LRRC4C: variants seen among roughly 807,000 people sequenced by gnomAD.
LRRC4C encodes leucine-rich repeat-containing protein 4C.
LRRC4C carries 5 observed loss-of-function variants against 33.6 expected under a neutral mutation model. The ratio of observed to expected loss-of-function variants is 0.15; its 90% CI spans 0.08 to 0.31. The LOEUF is 0.31. Ranked by LOEUF, LRRC4C falls within the 10% of genes least tolerant of loss-of-function variation. LRRC4C has a pLI of 1.00. For synonymous variants in LRRC4C, 329 were observed against 302.0 expected (o/e 1.09, Z -0.93); for missense variants, 560 against 796.7 (o/e 0.70, Z 3.58).
At chr11:41,241,976 ACAT>A (rs1236321659) in intron 1 of LRRC4C, among the ~76,000 whole-genome samples, 3 of 152,174 alleles carry the variant, frequency 2.0e-5, no homozygotes, top group East Asian at 1.9e-4. Flanking sequence ...ATATGTCTCA[ACAT>A]CATCATTTTC....
intron 1 of LRRC4C, among the ~76,000 whole-genome samples, chr11:40,935,359 T>C (rs2136509221): frequency 6.6e-6 from 1 of 152,312 alleles, no homozygotes; most frequent in East Asian, 1.9e-4. Context: ...TTTTCATCCA[T>C]GTCTGTTCTG....
At chr11:41,348,462 T>C (rs752541620) in intron 1 of LRRC4C, among the ~76,000 whole-genome samples, 1 of 152,124 alleles carries the variant, frequency 6.6e-6, no homozygotes, top group Non-Finnish European at 1.5e-5. Context: ...CTTTTTCAAC[T>C]AATTCCATGT....
intron 1 of LRRC4C, among the ~76,000 whole-genome samples, chr11:41,302,686 A>G (rs2137088492): frequency 6.6e-6 from 1 of 152,320 alleles, no homozygotes; most frequent in African/African-American, 2.4e-5. Flanking sequence ...TCAAAATAAT[A>G]TTACTTTCTC....
chr11:41,253,746 A>G (rs1232081320), intron 1 of LRRC4C, among the ~76,000 whole-genome samples: 1 of 152,126 alleles, frequency 6.6e-6, no homozygotes, highest in Non-Finnish European at 1.5e-5. Flanking sequence ...ACCACCTTGC[A>G]AGATCCTTGT....
At chr11:40,911,840 G>T (rs909537933) in intron 2 of LRRC4C, among the ~76,000 whole-genome samples, 3 of 152,182 alleles carry the variant, frequency 2.0e-5, no homozygotes, top group Admixed American at 1.3e-4. Flanking sequence ...CCAATGCAGA[G>T]AAGTCCTTCA....
At chr11:40,720,127 C>T (rs575959294) in intron 2 of LRRC4C, among the ~76,000 whole-genome samples, 28 of 152,128 alleles carry the variant, frequency 1.8e-4, no homozygotes, top group Non-Finnish European at 3.8e-4. Context: ...TTTCCCATCT[C>T]CCCTTCTTTG....
chr11:40,194,864 G>A (rs556593121), intron 5 of LRRC4C, among the ~76,000 whole-genome samples: 155 of 152,172 alleles, frequency 1.0e-3, no homozygotes, highest in African/African-American at 3.5e-3. Context: ...CGAGGTGGGC[G>A]GATCACGAGG....
At chr11:41,039,682 C>T (rs561244456) in intron 1 of LRRC4C, among the ~76,000 whole-genome samples, 4 of 152,104 alleles carry the variant, frequency 2.6e-5, no homozygotes, top group African/African-American at 7.2e-5. Context: ...AATCTGAGAG[C>T]GCTGGACTGA....
intron 3 of LRRC4C, among the ~76,000 whole-genome samples, chr11:40,488,067 T>C (rs1953955369): frequency 6.6e-6 from 1 of 152,094 alleles, no homozygotes; most frequent in Admixed American, 6.6e-5. Flanking sequence ...GCCCTTCAAC[T>C]GAGATCTTTC....
chr11:40,896,452 T>C (rs1283187524), intron 2 of LRRC4C, among the ~76,000 whole-genome samples: 1 of 152,140 alleles, frequency 6.6e-6, no homozygotes, highest in African/African-American at 2.4e-5. Flanking sequence ...TACTTCAAAT[T>C]CAGTGGATAT....
intron 2 of LRRC4C, among the ~76,000 whole-genome samples, chr11:40,906,015 T>C (rs1041322219): frequency 2.0e-5 from 3 of 152,204 alleles, no homozygotes; most frequent in Admixed American, 2.0e-4. Flanking sequence ...CATTGTTGTC[T>C]TATTTCCAGA....
intron 2 of LRRC4C, among the ~76,000 whole-genome samples, chr11:40,878,393 T>C (rs1014575037): frequency 7.9e-5 from 12 of 152,154 alleles, no homozygotes; most frequent in African/African-American, 2.9e-4. Flanking sequence ...TGATCTGTAT[T>C]TGCAGCCACT....
intron 3 of LRRC4C, among the ~76,000 whole-genome samples, chr11:40,378,878 G>T (rs1398912651): frequency 6.6e-6 from 1 of 152,120 alleles, no homozygotes. Context: ...TACATATATG[G>T]AGTTAGAAGT....
intron 1 of LRRC4C, among the ~76,000 whole-genome samples, chr11:41,393,937 T>G (rs1565637426): frequency 6.6e-6 from 1 of 151,974 alleles, no homozygotes; most frequent in South Asian, 2.1e-4. Context: ...TTAGGCTACC[T>G]TTAGCCCAGT....
At chr11:41,302,883 G>A (rs1276010290) in intron 1 of LRRC4C, among the ~76,000 whole-genome samples, 3 of 152,198 alleles carry the variant, frequency 2.0e-5, no homozygotes, top group Admixed American at 6.5e-5. Context: ...CTTCAGTGCT[G>A]TGACCAACTC....
intron 4 of LRRC4C, among the ~76,000 whole-genome samples, chr11:40,266,413 GTC>G (rs1942262528): frequency 6.6e-6 from 1 of 152,170 alleles, no homozygotes; most frequent in Non-Finnish European, 1.5e-5. Context: ...GCTGCAGTGA[GTC>G]TTGATTGTGC....
At chr11:40,830,319 T>C (rs878903207) in intron 2 of LRRC4C, among the ~76,000 whole-genome samples, 1 of 152,102 alleles carries the variant, frequency 6.6e-6, no homozygotes, top group Admixed American at 6.6e-5. Flanking sequence ...CAAGCTAGTA[T>C]CTTATTATTC....
At chr11:40,565,321 TA>T (rs796214335) in intron 3 of LRRC4C, among the ~76,000 whole-genome samples, 21 of 152,218 alleles carry the variant, frequency 1.4e-4, no homozygotes, top group African/African-American at 4.6e-4. Flanking sequence ...AAAATAATTT[TA>T]AAAAAGCTGG....
intron 3 of LRRC4C, among the ~76,000 whole-genome samples, chr11:40,350,236 A>C (rs1195452267): frequency 6.6e-6 from 1 of 152,098 alleles, no homozygotes; most frequent in East Asian, 1.9e-4. Context: ...TCTTAGATTT[A>C]AGTCTTTAAT....
Sources: gnomAD v4.1 joint callset for allele counts (sites outside exome capture counted in the v4.1 genomes callset) on GRCh38, gnomAD v4.1.1 for gene constraint, MANE v1.5 for transcripts, NCBI Gene and HGNC (gene_info 2026-07-23, HGNC 2026-07-21) for gene names.